The following GBE1 variants were observed in gnomAD, a reference collection of about 807,000 sequenced individuals.
GBE1 encodes 1,4-alpha-glucan-branching enzyme.
A neutral mutation model predicts 88.8 loss-of-function variants in GBE1; 70 were observed. The observed-to-expected ratio is 0.79, with a 90% CI of 0.65 to 0.96. The LOEUF is 0.96. Among genes scored for constraint, GBE1 ranks in the 40% least tolerant of loss-of-function variants. The probability of loss-of-function intolerance (pLI) is 0.00; values close to 1 mark genes in which losing one functional copy is unlikely to be tolerated. For synonymous variants in GBE1, 284 were observed against 300.1 expected (o/e 0.95, Z 0.56); for missense variants, 872 against 871.0 (o/e 1.00, Z -0.01).
At chr3:81,629,298 G>C (rs1441529356) in intron 7 of GBE1, among the ~76,000 whole-genome samples, 1 of 149,174 alleles carries the variant, frequency 6.7e-6, no homozygotes, top group Admixed American at 6.7e-5. Context: ...TTGTTCTTGC[G>C]ATAGTTTCCT....
At chr3:81,582,478 T>C (rs1276819183) in intron 10 of GBE1, among the ~76,000 whole-genome samples, 3 of 152,256 alleles carry the variant, frequency 2.0e-5, no homozygotes, top group Middle Eastern at 3.4e-3. Flanking sequence ...GTAAAACCCA[T>C]TTCATTTTTG....
At chr3:81,696,646 A>G (rs954815642) in intron 2 of GBE1, among the ~76,000 whole-genome samples, 1 of 152,184 alleles carries the variant, frequency 6.6e-6, no homozygotes, top group African/African-American at 2.4e-5. Context: ...TTGATAGATA[A>G]AATTATGAAA....
intron 12 of GBE1, among the ~76,000 whole-genome samples, chr3:81,572,446 C>T (rs1429346304): frequency 2.6e-5 from 4 of 152,140 alleles, no homozygotes; most frequent in African/African-American, 9.7e-5. Context: ...ATTTGTGTCT[C>T]AATGATGGCA....
chr3:81,678,090 C>T (rs958120980), intron 2 of GBE1, among the ~76,000 whole-genome samples: 2 of 152,126 alleles, frequency 1.3e-5, no homozygotes, highest in African/African-American at 2.4e-5. Flanking sequence ...ATGGTGTAAA[C>T]ATTATAGAAT....
At chr3:81,563,825 GA>G (rs1703453188) in intron 12 of GBE1, among the ~76,000 whole-genome samples, 1 of 80,228 alleles carries the variant, frequency 1.2e-5, no homozygotes, top group South Asian at 3.0e-4. Flanking sequence ...TGGAGCTGGA[GA>G]GGTTTAGATA....
chr3:81,689,893 C>CG (rs1168361903), intron 2 of GBE1, among the ~76,000 whole-genome samples: 2 of 152,108 alleles, frequency 1.3e-5, no homozygotes, highest in Non-Finnish European at 2.9e-5. Context: ...AGCACACCAG[C>CG]GGGGATTCTA....
chr3:81,646,616 C>T (rs1162118997), intron 5 of GBE1, 134 bp from the exon 6 acceptor site: 4 of 588,836 alleles, frequency 6.8e-6, no homozygotes, highest in Admixed American at 7.5e-5. Flanking sequence ...TTGAAAAGTT[C>T]TACTACTTTA....
At chr3:81,699,213 C>T (rs1705649094) in intron 2 of GBE1, among the ~76,000 whole-genome samples, 1 of 152,134 alleles carries the variant, frequency 6.6e-6, no homozygotes, top group African/African-American at 2.4e-5. Context: ...ACAGAGAACC[C>T]AGAGGGAGTT....
intron 7 of GBE1, among the ~76,000 whole-genome samples, chr3:81,623,511 G>A (rs527386651): frequency 6.6e-6 from 1 of 152,304 alleles, no homozygotes; most frequent in African/African-American, 2.4e-5. Context: ...CCTCACCAAA[G>A]TATAGGGCTG....
intron 14 of GBE1, among the ~76,000 whole-genome samples, chr3:81,522,502 T>C (rs1702888330): frequency 6.6e-6 from 1 of 151,378 alleles, no homozygotes. Flanking sequence ...AGAAGGTGCG[T>C]TGTAAATTAT....
chr3:81,667,143 G>A (rs568494516), intron 3 of GBE1, among the ~76,000 whole-genome samples: 10 of 152,162 alleles, frequency 6.6e-5, no homozygotes, highest in East Asian at 3.9e-4. Context: ...TGTTGCTCTC[G>A]TTGAAGAGGT....
intron 1 of GBE1, among the ~76,000 whole-genome samples, chr3:81,748,623 C>T (rs1303528484): frequency 6.6e-6 from 1 of 151,064 alleles, no homozygotes; most frequent in African/African-American, 2.4e-5. Flanking sequence ...CAAAAAACAA[C>T]AACAACAACA....
chr3:81,646,448 C>A lies in GBE1; in HGVS notation c.726G>T (p.Glu242Asp). 1.2e-6 allele frequency: 2 copies of A among 1,604,862 alleles called. No individual in the cohort carries two copies. Among genetic ancestry groups the A allele is most frequent in the African/African-American group, 2.7e-5 (2 of 74,538 alleles). The change falls in exon 6 of 16, where the codon GAG becomes GAT. Residue 242 changes from glutamate (E) to aspartate (D), a missense_variant. Glu to Asp is a conservative substitution (Grantham distance 45). Transcript: ENST00000429644. ...YNCIQLMAIM[E>D]HAYYASFGYQ... ...AACCAAAGCTGGCATAGTAAGCATGCTCCATGATTGCCATCAACTGAATGC... is the reference window on the plus strand; with the variant it reads ...AACCAAAGCTGGCATAGTAAGCATGATCCATGATTGCCATCAACTGAATGC...
intron 7 of GBE1, among the ~76,000 whole-genome samples, chr3:81,616,721 T>A (rs1388906039): frequency 6.6e-6 from 1 of 152,166 alleles, no homozygotes; most frequent in Non-Finnish European, 1.5e-5. Flanking sequence ...TATGTCTACA[T>A]CTGTAAAAAT....
chr3:81,640,868 C>T (rs980721927), intron 7 of GBE1, among the ~76,000 whole-genome samples: 2 of 151,606 alleles, frequency 1.3e-5, no homozygotes, highest in Non-Finnish European at 2.9e-5. Flanking sequence ...TAAGCTAAAA[C>T]TATAGGATGC....
At chr3:81,601,282 T>TA (rs1286783985) in intron 7 of GBE1, among the ~76,000 whole-genome samples, 1 of 152,132 alleles carries the variant, frequency 6.6e-6, no homozygotes, top group Non-Finnish European at 1.5e-5. Context: ...TTAGAAAAGT[T>TA]AAAAAACCAT....
intron 2 of GBE1, among the ~76,000 whole-genome samples, chr3:81,695,546 G>C (rs1383627501): frequency 6.6e-6 from 1 of 152,086 alleles, no homozygotes; most frequent in Non-Finnish European, 1.5e-5. Context: ...TTGGGGTGAC[G>C]GAAGTGTTCT....
intron 1 of GBE1, among the ~76,000 whole-genome samples, chr3:81,722,985 T>C (rs968557143): frequency 2.7e-4 from 40 of 150,470 alleles, no homozygotes; most frequent in Admixed American, 2.4e-3. Context: ...TATAATCTAT[T>C]CAAATCTCTA....
intron 12 of GBE1, among the ~76,000 whole-genome samples, chr3:81,548,880 T>A (rs1292058804): frequency 6.6e-6 from 1 of 151,236 alleles, no homozygotes; most frequent in Non-Finnish European, 1.5e-5. Context: ...GCTGATCATT[T>A]GCTTTGTTTT....
Sources: gnomAD v4.1 joint callset for allele counts (sites outside exome capture counted in the v4.1 genomes callset) on GRCh38, gnomAD v4.1.1 for gene constraint, MANE v1.5 for transcripts, NCBI Gene and HGNC (gene_info 2026-07-23, HGNC 2026-07-21) for gene names.